MAGI2: variants seen among roughly 807,000 people sequenced by gnomAD.
MAGI2 encodes membrane-associated guanylate kinase, WW and PDZ domain-containing protein 2.
Under a neutral mutation model 133.3 loss-of-function variants are expected in MAGI2, and 35 were observed. That is an observed-to-expected ratio of 0.26 (90% CI 0.20 to 0.35). The LOEUF is 0.35. Among genes scored for constraint, MAGI2 ranks in the 10% least tolerant of loss-of-function variants. MAGI2 has a pLI of 1.00. For synonymous variants in MAGI2, 729 were observed against 710.6 expected, an observed-to-expected ratio of 1.03 and a Z score of -0.41; for missense variants, 1,636 against 1,863.4, an observed-to-expected ratio of 0.88 and a Z score of 2.25.
intron 9 of MAGI2, among the ~76,000 whole-genome samples, chr7:78,310,299 G>T (rs960197944): frequency 1.3e-5 from 2 of 152,064 alleles, no homozygotes; most frequent in Non-Finnish European, 2.9e-5. Flanking sequence ...GCTGGGCATG[G>T]TGGCACGCAC....
At chr7:79,166,241 A>G (rs1824893257) in intron 1 of MAGI2, among the ~76,000 whole-genome samples, 1 of 152,046 alleles carries the variant, frequency 6.6e-6, no homozygotes, top group Non-Finnish European at 1.5e-5. Flanking sequence ...ATCATATAGC[A>G]AAGGGAGAGT....
intron 2 of MAGI2, among the ~76,000 whole-genome samples, chr7:78,854,389 T>C (rs961142110): frequency 6.6e-6 from 1 of 152,106 alleles, no homozygotes; most frequent in Non-Finnish European, 1.5e-5. Context: ...TTATAAAACT[T>C]ATACTTGTTT....
intron 2 of MAGI2, among the ~76,000 whole-genome samples, chr7:78,717,274 A>AGC (rs763772593): frequency 9.5e-6 from 1 of 104,730 alleles, no homozygotes; most frequent in Non-Finnish European, 2.1e-5. Flanking sequence ...CACACAACAC[A>AGC]GCACACACAC....
intron 9 of MAGI2, among the ~76,000 whole-genome samples, chr7:78,326,368 T>C (rs993816850): frequency 2.4e-4 from 36 of 152,252 alleles, no homozygotes; most frequent in Admixed American, 7.9e-4. Flanking sequence ...GACTCATTCC[T>C]CTGTCCTTGC....
chr7:78,836,299 C>G (rs182196022), intron 2 of MAGI2, among the ~76,000 whole-genome samples: 1 of 152,278 alleles, frequency 6.6e-6, no homozygotes, highest in East Asian at 1.9e-4. Context: ...TGGACTTGAA[C>G]TGGGTTTTTA....
In MAGI2 at chr7:78,376,538, A is replaced by G. The variant is rs553626804; in HGVS notation, c.1046-7325T>C. 9.2e-5 allele frequency among the ~76,000 whole-genome samples: 14 copies of G among 152,262 alleles called. 1 individual carries two copies. In the South Asian group the frequency reaches 2.9e-3, roughly 32 times the overall value. ...ATAAAAAATTAAAATACTGACCATGATTTTATGGGCTGGTTGTTGATGAAA... is the reference window on the plus strand; with the variant it reads ...ATAAAAAATTAAAATACTGACCATGGTTTTATGGGCTGGTTGTTGATGAAA... On this transcript the variant is annotated intron_variant, in intron 6 of 21. Transcript: ENST00000354212.
chr7:79,215,977 C>T (rs6955833), intron 1 of MAGI2, among the ~76,000 whole-genome samples: 47,611 of 151,504 alleles, frequency 0.31, 8,843 homozygotes, highest in African/African-American at 0.5. Context: ...AAGTGGGTAG[C>T]TCCCCAGGAA....
intron 20 of MAGI2, among the ~76,000 whole-genome samples, chr7:78,120,842 A>C (rs549392944): frequency 2.0e-5 from 3 of 150,702 alleles, no homozygotes; most frequent in South Asian, 2.1e-4. Flanking sequence ...TCTACTAAAA[A>C]TACAAAAAAT....
intron 1 of MAGI2, among the ~76,000 whole-genome samples, chr7:79,190,962 C>T (rs114226067): frequency 0.014 from 2,195 of 151,786 alleles, 74 homozygotes; most frequent in African/African-American, 0.05. Flanking sequence ...AAAATACCAA[C>T]GTAATCATAC....
intron 6 of MAGI2, among the ~76,000 whole-genome samples, chr7:78,479,990 A>C (rs1792187017): frequency 6.6e-6 from 1 of 151,994 alleles, no homozygotes; most frequent in African/African-American, 2.4e-5. Context: ...TCAGTAACAG[A>C]GTGGATATAA....
In MAGI2 at chr7:79,408,976, T is replaced by C. The variant is rs1845980280; in HGVS notation, c.301+44044A>G. Among the ~76,000 whole-genome samples the C allele has an allele frequency of 3.3e-5, 5 of 152,160 alleles. No individual in the cohort carries two copies. In the South Asian group the frequency reaches 1.0e-3, roughly 31 times the overall value. On this transcript the variant is annotated intron_variant, in intron 1 of 21. Coordinates refer to ENST00000354212, the MANE Select transcript of MAGI2 (RefSeq NM_012301.4). ...TAACATGCACAGAAATTGTATATCATTCTAAATAGGTCTTGCCTCATAGAT... is the reference window on the plus strand; with the variant it reads ...TAACATGCACAGAAATTGTATATCACTCTAAATAGGTCTTGCCTCATAGAT...
chr7:78,870,355 G>GAAA (rs34158706), intron 2 of MAGI2, among the ~76,000 whole-genome samples: 3 of 109,924 alleles, frequency 2.7e-5, no homozygotes, highest in African/African-American at 3.9e-5. Flanking sequence ...CCCTGTCTCA[G>GAAA]AAAAAAAAAA....
chr7:79,343,177 A>T (rs1841037676), intron 1 of MAGI2: 1 of 152,138 alleles, frequency 6.6e-6, no homozygotes, highest in South Asian at 2.1e-4. Context: ...AAATACTCAT[A>T]ATAACATCAC....
At chr7:78,144,694 C>T (rs192941155) in intron 16 of MAGI2, among the ~76,000 whole-genome samples, 9 of 152,234 alleles carry the variant, frequency 5.9e-5, no homozygotes, top group African/African-American at 7.2e-5. Flanking sequence ...ACAGTGCCAT[C>T]GTGGGGATTG....
At chr7:78,946,997 A>T (rs1801469308) in intron 2 of MAGI2, 1 of 152,104 alleles carries the variant, frequency 6.6e-6, no homozygotes, top group Non-Finnish European at 1.5e-5. Context: ...TTACCTATTC[A>T]GTAGCTAAAA....
intron 21 of MAGI2, among the ~76,000 whole-genome samples, chr7:78,070,152 C>CGTGT (rs1814359465): frequency 1.6e-5 from 2 of 124,742 alleles, no homozygotes; most frequent in African/African-American, 6.1e-5. Flanking sequence ...TATATATACA[C>CGTGT]ACATATATAT....
chr7:78,592,823 ATTCT>A (rs143376167), intron 3 of MAGI2, among the ~76,000 whole-genome samples: 11 of 103,822 alleles, frequency 1.1e-4, no homozygotes, highest in East Asian at 7.6e-4. Flanking sequence ...AAAATTACTG[ATTCT>A]CTTTTTTTTT....
In MAGI2 at chr7:78,276,856, G is replaced by C. The variant is rs371376274; in HGVS notation, c.1409-20275C>G. Among the ~76,000 whole-genome samples the C allele has an allele frequency of 2.5e-4, 38 of 152,232 alleles. No homozygotes were observed. In the South Asian group the frequency reaches 6.4e-3, roughly 26 times the overall value. On this transcript the variant is annotated intron_variant, in intron 9 of 21. Transcript: ENST00000354212. ...AATGATATGTGCCTGGTAAATTCTA[G>C]TGGAAGGGGGAGGAGACTTGTAAAC...
At chr7:79,338,590 G>T (rs1308884442) in intron 1 of MAGI2, among the ~76,000 whole-genome samples, 1 of 152,094 alleles carries the variant, frequency 6.6e-6, no homozygotes, top group African/African-American at 2.4e-5. Flanking sequence ...ATGAGCTTCT[G>T]GGGGTTCTGT....
Sources: gnomAD v4.1 joint callset for allele counts (sites outside exome capture counted in the v4.1 genomes callset) on GRCh38, gnomAD v4.1.1 for gene constraint, MANE v1.5 for transcripts, NCBI Gene and HGNC (gene_info 2026-07-23, HGNC 2026-07-21) for gene names.